RBFOX3: variants seen among roughly 807,000 people sequenced by gnomAD.
The protein encoded by RBFOX3 is RNA binding protein fox-1 homolog 3.
A neutral mutation model predicts 48.7 loss-of-function variants in RBFOX3; 17 were observed. The ratio of observed to expected loss-of-function variants is 0.35; its 90% confidence interval spans 0.24 to 0.52. The LOEUF (loss-of-function observed/expected upper bound fraction) is 0.52. Among genes scored for constraint, RBFOX3 ranks in the 20% least tolerant of loss-of-function variants. RBFOX3 has a pLI of 0.94. For missense variants in RBFOX3, 382 were observed against 497.5 expected (o/e 0.77, Z 2.21); for synonymous variants, 212 against 209.5 (o/e 1.01, Z -0.10).
intron 10 of RBFOX3, 86 bp downstream of exon 10, chr17:79,097,606 C>A: frequency 1.5e-6 from 2 of 1,303,922 alleles, no homozygotes; most frequent in South Asian, 1.4e-5. Context: ...TGGCCCCGCC[C>A]CTCATGCCCC....
At position 79,436,642 on chromosome 17, in the gene RBFOX3, A is replaced by G. The variant is rs151057284; in HGVS notation, c.-175+45812T>C. ...GGCCTGGAGGGACCAGATGATTAGG[A>G]GGCCAGGGAGCTCCTGCCTAAGCCC... On this transcript the variant is annotated intron_variant, in intron 2 of 14. Coordinates refer to ENST00000693108, the MANE Select transcript of RBFOX3 (RefSeq NM_001350451.2). 7.9e-3 allele frequency among the ~76,000 whole-genome samples: 1,205 copies of G among 152,274 alleles called. 14 individuals carry two copies. Among genetic ancestry groups the G allele is most frequent in the African/African-American group, 0.028 (1,149 of 41,550 alleles).
At chr17:79,654,533 G>A in the RBFOX3 span, among the ~76,000 whole-genome samples, 2 of 152,116 alleles carry the variant, frequency 1.3e-5, no homozygotes, top group East Asian at 3.9e-4. Context: ...AAAAGTCTAC[G>A]GCCCAGCTGG....
chr17:79,275,123 C>CTCTCTCTCTCTCTCT (rs2068516595), intron 3 of RBFOX3, among the ~76,000 whole-genome samples: 2 of 130,594 alleles, frequency 1.5e-5, no homozygotes, highest in African/African-American at 5.9e-5. Flanking sequence ...TCCATGTCTC[C>CTCTCTCTCTCTCTCT]CTCTCTCTCT....
At chr17:79,179,342 G>A (rs1426661131) in intron 4 of RBFOX3, among the ~76,000 whole-genome samples, 2 of 152,216 alleles carry the variant, frequency 1.3e-5, no homozygotes, top group African/African-American at 4.8e-5. Context: ...GCTGGGCACC[G>A]TGAAGCCGCT....
chr17:79,248,582 C>T (rs1220100312), intron 3 of RBFOX3, among the ~76,000 whole-genome samples: 1 of 152,222 alleles, frequency 6.6e-6, no homozygotes, highest in Non-Finnish European at 1.5e-5. Flanking sequence ...TGGGAGGTAA[C>T]GATTTTTGAA....
At chr17:79,413,482 T>A (rs945761191) in intron 2 of RBFOX3, among the ~76,000 whole-genome samples, 4 of 152,196 alleles carry the variant, frequency 2.6e-5, no homozygotes, top group African/African-American at 7.2e-5. Context: ...CAGCAGGGAA[T>A]CCCTGGAGCC....
chr17:79,155,767 T>G (rs1458876039), intron 4 of RBFOX3, among the ~76,000 whole-genome samples: 1 of 151,604 alleles, frequency 6.6e-6, no homozygotes, highest in Non-Finnish European at 1.5e-5. Context: ...TCCCCAAGAG[T>G]GCCACAGCCT....
the RBFOX3 span, among the ~76,000 whole-genome samples, chr17:79,638,471 C>A: frequency 1.3e-5 from 2 of 151,926 alleles, no homozygotes; most frequent in Non-Finnish European, 1.5e-5. Context: ...TATATGCCAA[C>A]AAATGGGATA....
chr17:79,319,583 T>A (rs1484823403), intron 2 of RBFOX3, among the ~76,000 whole-genome samples: 2 of 152,106 alleles, frequency 1.3e-5, no homozygotes, highest in Non-Finnish European at 2.9e-5. Flanking sequence ...CTGGGCCAGC[T>A]GTTCTTATCC....
At chr17:79,353,269 G>T (rs2084311034) in intron 2 of RBFOX3, among the ~76,000 whole-genome samples, 1 of 152,132 alleles carries the variant, frequency 6.6e-6, no homozygotes, top group African/African-American at 2.4e-5. Flanking sequence ...ATCCCAGGGT[G>T]GCTGGGAGCA....
Position 79,392,000 on chromosome 17 carries a change from C to A in RBFOX3, c.-174-84176G>T, listed in dbSNP as rs1284300529. Reference sequence around the variant, plus strand: ...TTGTATGGCAACGCTCCCGCCAGGGCCCCGCGATGGTCAGGCTTTCTGCCG... The same window carrying A: ...TTGTATGGCAACGCTCCCGCCAGGGACCCGCGATGGTCAGGCTTTCTGCCG... On this transcript the variant is annotated intron_variant, in intron 2 of 14. Coordinates refer to ENST00000693108, the MANE Select transcript of RBFOX3 (RefSeq NM_001350451.2). The surrounding 1 kb of genome is among the most constrained non-coding windows in gnomAD (Gnocchi z 5.0). Among the ~76,000 whole-genome samples, 1 of 152,196 alleles carries A rather than the reference C, an allele frequency of 6.6e-6. No homozygotes were observed. Among genetic ancestry groups the A allele is most frequent in the Admixed American group, 6.5e-5 (1 of 15,284 alleles).
intron 3 of RBFOX3, among the ~76,000 whole-genome samples, chr17:79,257,862 T>C (rs1251148049): frequency 6.6e-6 from 1 of 152,112 alleles, no homozygotes; most frequent in Non-Finnish European, 1.5e-5. Flanking sequence ...ATTACAGGTG[T>C]GAGCCACCAT....
chr17:79,287,724 C>G lies in RBFOX3; in HGVS notation c.-74+20000G>C, dbSNP rs542897411. Among the ~76,000 whole-genome samples the G allele has an allele frequency of 2.1e-4, 32 of 152,282 alleles. 1 individual carries two copies. Among genetic ancestry groups the G allele is most frequent in the African/African-American group, 7.0e-4 (29 of 41,548 alleles). Reference sequence around the variant, plus strand: ...AGGGAAGCTTAAAGAAAGAAGGGCTCAGCCATGGCTGGAGGGACAGAGCCC... The same window carrying G: ...AGGGAAGCTTAAAGAAAGAAGGGCTGAGCCATGGCTGGAGGGACAGAGCCC... On this transcript the variant is annotated intron_variant, in intron 3 of 14. Transcript: ENST00000693108.
At chr17:79,523,020 T>C (rs953661600) in intron 1 of RBFOX3, among the ~76,000 whole-genome samples, 56 of 140,072 alleles carry the variant, frequency 4.0e-4, no homozygotes, top group African/African-American at 1.3e-3. Context: ...CTGAGTGAAA[T>C]CAACCAGGCA....
chr17:79,593,646 T>A (rs2093484891), intron 1 of RBFOX3, among the ~76,000 whole-genome samples: 1 of 152,234 alleles, frequency 6.6e-6, no homozygotes, highest in Admixed American at 6.5e-5. Context: ...CTGCTCACTT[T>A]AGATAACTTT....
At chr17:79,596,547 A>G (rs1466693396) in intron 1 of RBFOX3, among the ~76,000 whole-genome samples, 1 of 152,204 alleles carries the variant, frequency 6.6e-6, no homozygotes, top group African/African-American at 2.4e-5. Flanking sequence ...GCCAGGCCAC[A>G]GAGCTAATGA....
intron 1 of RBFOX3, among the ~76,000 whole-genome samples, chr17:79,552,355 T>A (rs1455509277): frequency 6.6e-6 from 1 of 152,202 alleles, no homozygotes; most frequent in Non-Finnish European, 1.5e-5. Flanking sequence ...CTTAAAATAA[T>A]GGCTTAAACA....
At chr17:79,228,001 G>A (rs903437673) in intron 4 of RBFOX3, among the ~76,000 whole-genome samples, 17 of 152,304 alleles carry the variant, frequency 1.1e-4, no homozygotes, top group African/African-American at 3.6e-4. Flanking sequence ...TGCGGTCAGC[G>A]TCAATGTAAG....
At chr17:79,404,928 C>T (rs1376236573) in intron 2 of RBFOX3, among the ~76,000 whole-genome samples, 1 of 152,194 alleles carries the variant, frequency 6.6e-6, no homozygotes, top group African/African-American at 2.4e-5. Context: ...AGTAGATAGC[C>T]TCAGTCCCCT....
Sources: gnomAD v4.1 joint callset for allele counts (sites outside exome capture counted in the v4.1 genomes callset) on GRCh38, gnomAD v4.1.1 for gene constraint, Gnocchi (gnomAD v3.1) non-coding constraint, MANE v1.5 for transcripts, NCBI Gene and HGNC (gene_info 2026-07-23, HGNC 2026-07-21) for gene names.